The following NAF1 variants were observed in gnomAD, a reference collection of about 807,000 sequenced individuals.
NAF1 encodes H/ACA ribonucleoprotein complex non-core subunit NAF1.
Under a neutral mutation model 40.6 loss-of-function variants are expected in NAF1, and 11 were observed. The observed-to-expected ratio is 0.27, with a 90% CI of 0.17 to 0.45. The LOEUF (loss-of-function observed/expected upper bound fraction) is 0.45, where lower values mean the gene tolerates loss of function less well. NAF1 is among the 20% of genes least tolerant of loss of function. The pLI is 1.00. For synonymous variants in NAF1, 260 were observed against 228.5 expected (o/e 1.14, Z -1.24); for missense variants, 607 against 611.1 (o/e 0.99, Z 0.07).
At chr4:163,160,667 T>C (rs1475371312) in intron 2 of NAF1, among the ~76,000 whole-genome samples, 3 of 152,190 alleles carry the variant, frequency 2.0e-5, no homozygotes, top group Admixed American at 6.5e-5. Context: ...TAGAAAACTC[T>C]TTAGAAAGTG....
intron 2 of NAF1, among the ~76,000 whole-genome samples, chr4:163,163,989 A>G (rs1477481507): frequency 6.6e-6 from 1 of 152,194 alleles, no homozygotes; most frequent in East Asian, 1.9e-4. Context: ...AGTTGATGCC[A>G]TAATCGGAAC....
chr4:163,149,265 T>C (rs546707687), intron 2 of NAF1, among the ~76,000 whole-genome samples: 1 of 152,180 alleles, frequency 6.6e-6, no homozygotes, highest in Non-Finnish European at 1.5e-5. Flanking sequence ...TTCCTCAAGA[T>C]GGCTTGAAGT....
chr4:163,116,424 T>A (rs1321134134), intron 2 of NAF1, among the ~76,000 whole-genome samples: 1 of 152,152 alleles, frequency 6.6e-6, no homozygotes, highest in Non-Finnish European at 1.5e-5. Context: ...GAGAGATCTG[T>A]ATTAAGGCAT....
downstream of NAF1, among the ~76,000 whole-genome samples, chr4:163,122,074 T>C (rs1730533475): frequency 6.6e-6 from 1 of 152,196 alleles, no homozygotes; most frequent in African/African-American, 2.4e-5. Flanking sequence ...ACATTATCGT[T>C]GAAAGAAAAT....
chr4:163,165,908 T>A (rs984574452), intron 1 of NAF1, among the ~76,000 whole-genome samples: 5 of 152,090 alleles, frequency 3.3e-5, no homozygotes, highest in African/African-American at 1.2e-4. Flanking sequence ...AGAGCCAGCT[T>A]TGAAACACAA....
At position 163,159,102 on chromosome 4, in the gene NAF1, T is replaced by C. The variant is rs558426928; in HGVS notation, c.540+5115A>G. Among the ~76,000 whole-genome samples, 4 of 152,264 alleles carry C rather than the reference T, an allele frequency of 2.6e-5. No homozygotes were observed. The South Asian group carries it at 8.3e-4, about 32-fold the overall frequency. On this transcript the variant is annotated intron_variant, in intron 2 of 7. Transcript: ENST00000274054. ...GGGGGAATCTAAACAATTGAATGTT[T>C]CTGTGTAATAATAATTATATATGTA...
At chr4:163,126,895 C>A, downstream of NAF1, 1 of 1,456,586 alleles carries the variant, frequency 6.9e-7, no homozygotes, top group Non-Finnish European at 9.1e-7. Flanking sequence ...TAACTCACTG[C>A]AGGCTCAAAG....
At chr4:163,140,182 C>A (rs750413547) in intron 5 of NAF1, 41 bp downstream of exon 5, 5 of 1,466,168 alleles carry the variant, frequency 3.4e-6, no homozygotes, top group East Asian at 4.8e-5. Flanking sequence ...AAAATATAAA[C>A]GTTAGGTAAG....
At chr4:163,137,529 T>C (rs1201438975) in intron 5 of NAF1, among the ~76,000 whole-genome samples, 2 of 152,320 alleles carry the variant, frequency 1.3e-5, no homozygotes, top group East Asian at 1.9e-4. Context: ...TTTTGATTTT[T>C]GTTTTCATAA....
rs12640243 is a variant in NAF1 at position 163,159,816 on chromosome 4, A to C, written c.540+4401T>G. Reference sequence around the variant, plus strand: ...CATGCTACATTATATGCCTAAAGACACATTATTATCCCTACTGAAGTATTA... The same window carrying C: ...CATGCTACATTATATGCCTAAAGACCCATTATTATCCCTACTGAAGTATTA... On this transcript the variant is annotated intron_variant, in intron 2 of 7. Transcript: ENST00000274054. 3.4e-3 allele frequency among the ~76,000 whole-genome samples: 512 copies of C among 152,298 alleles called. 19 individuals carry two copies. The East Asian group carries it at 0.051, about 15-fold the overall frequency.
At chr4:163,149,541 G>A (rs187147812) in intron 2 of NAF1, among the ~76,000 whole-genome samples, 1 of 152,196 alleles carries the variant, frequency 6.6e-6, no homozygotes, top group Non-Finnish European at 1.5e-5. Flanking sequence ...GCAACACTAC[G>A]GGTCTCAACC....
At position 163,129,250 on chromosome 4, in the gene NAF1, A is replaced by C. The variant is rs749031681; in HGVS notation, c.1132T>G (p.Ser378Ala). The C allele has an allele frequency of 6.2e-7, 1 of 1,614,130 alleles. No individual in the cohort carries two copies. ...YRNREFTRGF[S>A]RARYPRSCHG... ...CAAGATCGAGGGTATCTGGCCCTGG[A>C]AAATCCTCGTGTGAATTCTCTGTTA... The change falls in exon 8 of 8, where the codon TCC becomes GCC. Residue 378 changes from serine (S) to alanine (A), a missense_variant. Ser to Ala is a moderately conservative substitution (Grantham distance 99). Around this residue, in one of 3 missense-constraint regions of NAF1, gnomAD observed 189 missense variants for 216.6 expected, o/e 0.87. Transcript: ENST00000274054.
At chr4:163,137,964 G>T (rs1425800265) in intron 5 of NAF1, among the ~76,000 whole-genome samples, 1 of 152,142 alleles carries the variant, frequency 6.6e-6, no homozygotes, top group Non-Finnish European at 1.5e-5. Flanking sequence ...TATCTATTAT[G>T]AGCAGTATAA....
intron 6 of NAF1, 75 bp downstream of exon 6, chr4:163,137,124 G>A: frequency 6.5e-7 from 1 of 1,544,262 alleles, no homozygotes; most frequent in Non-Finnish European, 8.9e-7. Context: ...TTCCCTAACA[G>A]CAAGAATGAT....
intron 7 of NAF1, 43 bp downstream of exon 7, chr4:163,133,111 T>A (rs1478752327): frequency 6.9e-7 from 1 of 1,458,436 alleles, no homozygotes; most frequent in East Asian, 2.3e-5. Context: ...TATATAGATG[T>A]AAATGAAGAT....
intron 6 of NAF1, 109 bp downstream of exon 6, chr4:163,137,090 T>C (rs1320559648): frequency 4.1e-6 from 5 of 1,221,622 alleles, no homozygotes; most frequent in Non-Finnish European, 5.9e-6. Context: ...TAAGGCAGTA[T>C]GGCTGCTAGC....
the NAF1 span, among the ~76,000 whole-genome samples, chr4:163,104,910 A>G: frequency 6.6e-6 from 1 of 152,222 alleles, no homozygotes; most frequent in Non-Finnish European, 1.5e-5. Context: ...CAATTTGCTC[A>G]GTGCTTTTTT....
chr4:163,136,502 T>C (rs1731064374), intron 6 of NAF1, among the ~76,000 whole-genome samples: 1 of 151,624 alleles, frequency 6.6e-6, no homozygotes, highest in African/African-American at 2.4e-5. Flanking sequence ...ATATATTCAT[T>C]GTTGTAATTC....
At chr4:163,114,743 G>A (rs1350944300) in intron 2 of NAF1, among the ~76,000 whole-genome samples, 1 of 152,122 alleles carries the variant, frequency 6.6e-6, no homozygotes, top group African/African-American at 2.4e-5. Flanking sequence ...ACAAATGGGT[G>A]ACATTGTCTC....
Sources: allele counts gnomAD v4.1 joint callset (sites outside exome capture counted in the v4.1 genomes callset), GRCh38; gene constraint gnomAD v4.1.1; regional missense constraint gnomAD v4.1.1; transcripts MANE v1.5; gene names NCBI Gene and HGNC (gene_info 2026-07-23, HGNC 2026-07-21).